CDH18: variants seen among roughly 807,000 people sequenced by gnomAD.
CDH18 encodes the protein cadherin 18.
In CDH18, 31 loss-of-function variants were observed where a neutral mutation model predicts 67.9. The ratio of observed to expected loss-of-function variants is 0.46; its 90% confidence interval spans 0.34 to 0.62. CDH18 has a LOEUF of 0.62. Among genes scored for constraint, CDH18 ranks in the 20% least tolerant of loss-of-function variants. The pLI is 0.01. For missense variants in CDH18, 890 were observed against 975.5 expected, an observed-to-expected ratio of 0.91 and a Z score of 1.17; for synonymous variants, 362 against 347.2, an observed-to-expected ratio of 1.04 and a Z score of -0.48.
chr5:20,338,740 T>G (rs1327439888), intron 1 of CDH18, among the ~76,000 whole-genome samples: 1 of 152,198 alleles, frequency 6.6e-6, no homozygotes, highest in East Asian at 1.9e-4. Context: ...ATCTCTGACC[T>G]GCAAAATGAG....
chr5:19,779,627 G>T (rs559497837), intron 3 of CDH18, among the ~76,000 whole-genome samples: 10 of 152,218 alleles, frequency 6.6e-5, no homozygotes, highest in African/African-American at 1.7e-4. Context: ...ATTCGCCACA[G>T]TTTTTTTCTT....
Position 19,473,282 on chromosome 5 carries a change from C to T in CDH18, c.2317G>A (p.Glu773Lys), listed in dbSNP as rs769775540. Reference protein sequence around the residue: ...DYHYLGDWGPEFKKLAELYGE... With the variant: ...DYHYLGDWGPKFKKLAELYGE... ...TAGAGTTCAGCTAACTTTTTAAACT[C>T]GGGTCCCCAGTCTCCAAGGTAGTGA... Residue 773 changes from glutamate (E) to lysine (K), a missense_variant, in exon 13 of 13, where the codon GAG (glutamate) becomes AAG (lysine). Around this residue, in one of 2 missense-constraint regions of CDH18, gnomAD observed 656 missense variants for 668.1 expected, o/e 0.98. Coordinates refer to ENST00000382275, the MANE Select transcript of CDH18 (RefSeq NM_004934.5). The T allele has an allele frequency of 5.0e-6, 8 of 1,613,548 alleles. No homozygotes were observed. In the African/African-American group the frequency reaches 8.0e-5, roughly 16 times the overall value.
chr5:19,733,281 T>C (rs1282558233), intron 4 of CDH18, among the ~76,000 whole-genome samples: 2 of 152,226 alleles, frequency 1.3e-5, no homozygotes, highest in African/African-American at 4.8e-5. Flanking sequence ...CTATTTTACA[T>C]ATACCTACCC....
At chr5:20,488,862 A>G (rs1200897796) in intron 1 of CDH18, among the ~76,000 whole-genome samples, 1 of 151,986 alleles carries the variant, frequency 6.6e-6, no homozygotes, top group Non-Finnish European at 1.5e-5. Context: ...TGCCAACTAT[A>G]TGCCAAAATA....
At chr5:19,762,926 G>T (rs1046586945) in intron 3 of CDH18, among the ~76,000 whole-genome samples, 15 of 152,226 alleles carry the variant, frequency 9.9e-5, no homozygotes, top group Admixed American at 8.5e-4. Context: ...CCATAAAAAA[G>T]GATGAGTTCC....
chr5:20,194,696 A>G (rs1738829628), intron 2 of CDH18, among the ~76,000 whole-genome samples: 1 of 152,016 alleles, frequency 6.6e-6, no homozygotes, highest in Non-Finnish European at 1.5e-5. Context: ...CATCTTGACC[A>G]TCTAGATGTA....
At chr5:19,613,342 T>G (rs1260921784) in intron 5 of CDH18, among the ~76,000 whole-genome samples, 2 of 152,148 alleles carry the variant, frequency 1.3e-5, no homozygotes, top group Non-Finnish European at 2.9e-5. Flanking sequence ...TTATCAATGT[T>G]TAATGATGGA....
At chr5:19,922,331 G>A (rs1415384368) in intron 2 of CDH18, among the ~76,000 whole-genome samples, 1 of 152,144 alleles carries the variant, frequency 6.6e-6, no homozygotes, top group African/African-American at 2.4e-5. Context: ...TTGTGAAATG[G>A]TTAAATTAGC....
intron 1 of CDH18, among the ~76,000 whole-genome samples, chr5:20,280,190 T>G (rs1193351777): frequency 6.6e-6 from 1 of 151,926 alleles, no homozygotes; most frequent in Non-Finnish European, 1.5e-5. Flanking sequence ...ATTTATTTAT[T>G]TTATTTATTT....
At chr5:19,863,867 T>C (rs1330880936) in intron 2 of CDH18, among the ~76,000 whole-genome samples, 2 of 152,170 alleles carry the variant, frequency 1.3e-5, no homozygotes, top group Non-Finnish European at 2.9e-5. Context: ...TTACCCCATC[T>C]GACTTCACTT....
At chr5:20,159,418 A>G (rs572910873) in intron 2 of CDH18, among the ~76,000 whole-genome samples, 2 of 152,316 alleles carry the variant, frequency 1.3e-5, no homozygotes, top group Middle Eastern at 3.4e-3. Context: ...TTTAGGAGCC[A>G]GGAGTAAAGT....
intron 1 of CDH18, among the ~76,000 whole-genome samples, chr5:20,389,293 T>G (rs930143572): frequency 6.6e-6 from 1 of 152,212 alleles, no homozygotes; most frequent in Non-Finnish European, 1.5e-5. Context: ...ATTGATCCCT[T>G]TACCATTATG....
intron 1 of CDH18, among the ~76,000 whole-genome samples, chr5:20,373,613 A>G (rs1165834270): frequency 6.6e-6 from 1 of 151,842 alleles, no homozygotes; most frequent in African/African-American, 2.4e-5. Flanking sequence ...GCATTAAAGA[A>G]TTAATTGTAG....
chr5:19,829,021 C>A (rs1189462061), intron 3 of CDH18, among the ~76,000 whole-genome samples: 1 of 152,024 alleles, frequency 6.6e-6, no homozygotes, highest in East Asian at 1.9e-4. Flanking sequence ...CTAGGTGACA[C>A]AGTAAGACTC....
At chr5:20,511,877 A>T (rs577806575) in intron 1 of CDH18, among the ~76,000 whole-genome samples, 1 of 152,238 alleles carries the variant, frequency 6.6e-6, no homozygotes, top group Non-Finnish European at 1.5e-5. Flanking sequence ...ATTAATGTAT[A>T]CCAATAAGCA....
At chr5:19,558,460 A>C (rs1269357911) in intron 8 of CDH18, among the ~76,000 whole-genome samples, 1 of 152,102 alleles carries the variant, frequency 6.6e-6, no homozygotes, top group Non-Finnish European at 1.5e-5. Flanking sequence ...AAAACAGGAG[A>C]TAGTAGAACT....
chr5:19,500,957 C>A (rs1684847), intron 11 of CDH18, among the ~76,000 whole-genome samples: 30,357 of 151,164 alleles, frequency 0.2, 3,326 homozygotes, highest in African/African-American at 0.27. Context: ...ATGATGAAAC[C>A]CTGTCTCTAC....
chr5:20,472,427 C>T (rs984792975), intron 1 of CDH18, among the ~76,000 whole-genome samples: 4 of 152,086 alleles, frequency 2.6e-5, no homozygotes, highest in Admixed American at 2.6e-4. Flanking sequence ...TAGACTGTAA[C>T]AAATGTACCA....
intron 1 of CDH18, among the ~76,000 whole-genome samples, chr5:20,520,153 T>A (rs1251075824): frequency 6.6e-6 from 1 of 151,502 alleles, no homozygotes; most frequent in Admixed American, 6.6e-5. Flanking sequence ...GTCTAAGAGC[T>A]CCCACTGAAG....
Sources: allele counts gnomAD v4.1 joint callset (sites outside exome capture counted in the v4.1 genomes callset), GRCh38; gene constraint gnomAD v4.1.1; regional missense constraint gnomAD v4.1.1; transcripts MANE v1.5; gene names NCBI Gene and HGNC (gene_info 2026-07-23, HGNC 2026-07-21).